Variants in POLR3H observed in about 807,000 individuals in gnomAD.
POLR3H encodes the protein RNA polymerase III subunit H.
A neutral mutation model predicts 25.5 loss-of-function variants in POLR3H; 17 were observed. That is an observed-to-expected ratio of 0.67 (90% confidence interval 0.46 to 1.00). POLR3H has a LOEUF of 1.00. POLR3H is among the 50% of genes least tolerant of loss of function. The pLI, the probability that POLR3H is intolerant of heterozygous loss-of-function variation, is 0.00. For synonymous variants in POLR3H, 129 were observed against 103.0 expected (o/e 1.25, Z -1.53); for missense variants, 274 against 265.0 (o/e 1.03, Z -0.24).
intron 4 of POLR3H, among the ~76,000 whole-genome samples, chr22:41,531,259 A>G (rs1354185736): frequency 6.6e-6 from 1 of 152,230 alleles, no homozygotes; most frequent in East Asian, 1.9e-4. Flanking sequence ...AAGCCTTGTG[A>G]CAGGCTGATG....
rs1361785262 is a variant in POLR3H at position 41,528,004 on chromosome 22, G to A, written c.*1279C>T. ...ACAAGCTGACCATTCAGGGCCTGAA[G>A]GACTTCACCCCTGGCAAGGTTAGGG... is the stretch of plus-strand genomic sequence containing the variant. On this transcript the variant is annotated 3_prime_UTR_variant, in exon 6 of 6. Coordinates refer to ENST00000355209, the MANE Select transcript of POLR3H (RefSeq NM_001018050.4). 8.7e-6 allele frequency: 14 copies of A among 1,614,166 alleles called. No individual in the cohort carries two copies. Among genetic ancestry groups the A allele is most frequent in the Non-Finnish European group, 1.2e-5 (14 of 1,180,018 alleles).
At position 41,526,441 on chromosome 22, in the gene POLR3H, C is replaced by G; in HGVS notation, c.*2842G>C. The G allele has an allele frequency of 1.2e-6, 2 of 1,612,700 alleles. No homozygotes were observed. The highest frequency in any genetic ancestry group is 1.7e-4 in the Middle Eastern group (1 of 5,782). On this transcript the variant is annotated 3_prime_UTR_variant, in exon 6 of 6. Transcript: ENST00000355209. ...AGTTTGGCCCCGTCCCTGACACTGC[C>G]CGCTACTACAAGGTGGGTCAGAGTT...
chr22:41,535,672 C>T (rs879308828), intron 2 of POLR3H, among the ~76,000 whole-genome samples: 1 of 151,810 alleles, frequency 6.6e-6, no homozygotes, highest in Non-Finnish European at 1.5e-5. Context: ...ACTAAAAATA[C>T]AAAAATTATT....
At chr22:41,541,546 G>C (rs959113231) in intron 1 of POLR3H, among the ~76,000 whole-genome samples, 1 of 152,052 alleles carries the variant, frequency 6.6e-6, no homozygotes, top group African/African-American at 2.4e-5. Flanking sequence ...AAGAAGCTCA[G>C]AGAACTCAGA....
rs767934086 is a variant in POLR3H, at chr22:41,544,119, G to T, written c.-18C>A. On this transcript the variant is annotated 5_prime_UTR_variant, in exon 1 of 6. Coordinates refer to ENST00000355209, the MANE Select transcript of POLR3H (RefSeq NM_001018050.4). ...ACGAACATCCCGGCCTGCGCTGGGGGCTCTGGGAACAGGAGGGTCAGTCAC... is the reference window on the plus strand; with the variant it reads ...ACGAACATCCCGGCCTGCGCTGGGGTCTCTGGGAACAGGAGGGTCAGTCAC... The T allele has an allele frequency of 4.5e-6, 7 of 1,543,916 alleles. No individual in the cohort carries two copies. The highest frequency in any genetic ancestry group is 1.7e-4 in the Middle Eastern group (1 of 5,854).
chr22:41,530,554 G>T, intron 5 of POLR3H, 133 bp downstream of exon 5: 1 of 827,378 alleles, frequency 1.2e-6, no homozygotes, highest in Non-Finnish European at 1.9e-6. Flanking sequence ...GAAGTGACCA[G>T]CCAAGACCCC....
At chr22:41,540,661 C>G (rs2066913832) in intron 2 of POLR3H, 38 bp downstream of exon 2, 3 of 1,508,278 alleles carry the variant, frequency 2.0e-6, no homozygotes. Context: ...AAACTGAGCC[C>G]CAAGAAGCCC....
intron 1 of POLR3H, 76 bp downstream of exon 1, chr22:41,543,915 G>A (rs754086293): frequency 2.9e-6 from 3 of 1,042,272 alleles, no homozygotes; most frequent in African/African-American, 1.6e-5. Flanking sequence ...TGGCATGACC[G>A]AGGCCGGGCC....
In POLR3H at chr22:41,527,853, C is replaced by T. The variant is rs1426940978; in HGVS notation, c.*1430G>A. On this transcript the variant is annotated 3_prime_UTR_variant, in exon 6 of 6. Coordinates refer to ENST00000355209, the MANE Select transcript of POLR3H (RefSeq NM_001018050.4). ...CCAGATGGGTTCAGAAAATGAAGCTCTCCAGGCTAGTCAGGCCCCCGATGA... is the reference window on the plus strand; with the variant it reads ...CCAGATGGGTTCAGAAAATGAAGCTTTCCAGGCTAGTCAGGCCCCCGATGA... The T allele has an allele frequency of 6.2e-7, 1 of 1,613,828 alleles. No homozygotes were observed. The highest frequency in any genetic ancestry group is 1.1e-5 in the South Asian group (1 of 91,062).
intron 2 of POLR3H, among the ~76,000 whole-genome samples, chr22:41,533,936 T>C (rs1201456624): frequency 3.3e-5 from 5 of 151,986 alleles, no homozygotes; most frequent in Admixed American, 2.6e-4. Context: ...GTCAGGAGTT[T>C]GAGACCAGCC....
intron 2 of POLR3H, chr22:41,539,059 G>A (rs169407): frequency 0.42 from 64,259 of 152,100 alleles, 14,159 homozygotes; most frequent in East Asian, 0.69. Context: ...TCAGGCGTTC[G>A]AGACCATTCT....
chr22:41,529,350 A>C lies in POLR3H; in HGVS notation c.562-14T>G, dbSNP rs374325579. 4.2e-4 allele frequency: 679 copies of C among 1,613,358 alleles called. 4 individuals are homozygous for C. The African/African-American group carries it at 7.2e-3, about 17-fold the overall frequency. ...ACTGATGGATCCCTGCCAGGGATAA[A>C]GAACACGCACATTTCACTGACATGC... On this transcript the variant is annotated splice_polypyrimidine_tract_variant and intron_variant, in intron 5 of 5. Coordinates refer to ENST00000355209, the MANE Select transcript of POLR3H (RefSeq NM_001018050.4).
At chr22:41,542,362 G>A (rs922344902) in intron 1 of POLR3H, among the ~76,000 whole-genome samples, 31 of 152,110 alleles carry the variant, frequency 2.0e-4, no homozygotes, top group Admixed American at 6.5e-4. Context: ...GGGATTACAG[G>A]TGTGAGCCCC....
intron 4 of POLR3H, 144 bp from the exon 5 acceptor site, chr22:41,531,032 A>G (rs533819547): frequency 4.8e-5 from 37 of 764,896 alleles, no homozygotes; most frequent in Admixed American, 7.2e-5. Context: ...TCCCAGCCCC[A>G]TGCACAAGGC....
intron 2 of POLR3H, among the ~76,000 whole-genome samples, chr22:41,536,569 T>TAA (rs1422987693): frequency 1.5e-5 from 2 of 134,350 alleles, no homozygotes; most frequent in Admixed American, 1.5e-4. Context: ...AAAAAAGGTT[T>TAA]AAAAAAAAAA....
intron 2 of POLR3H, among the ~76,000 whole-genome samples, chr22:41,534,963 T>C (rs1466408761): frequency 1.3e-5 from 2 of 151,868 alleles, no homozygotes; most frequent in African/African-American, 4.8e-5. Flanking sequence ...GTGTTGTTCC[T>C]GGTGGGAGGG....
At chr22:41,543,049 G>A (rs897399557) in intron 1 of POLR3H, among the ~76,000 whole-genome samples, 10 of 152,070 alleles carry the variant, frequency 6.6e-5, no homozygotes, top group South Asian at 2.1e-4. Flanking sequence ...ATCTACTCCC[G>A]CCAGGCTTTG....
At position 41,526,560 on chromosome 22, in the gene POLR3H, C is replaced by G; in HGVS notation, c.*2723G>C. The G allele has an allele frequency of 7.6e-7, 1 of 1,314,968 alleles. No individual in the cohort carries two copies. 81.5% of individuals were successfully genotyped at this position (1,314,968 alleles called of 1,614,324 possible). Reference sequence around the variant, plus strand: ...AGTGGAAACTGGGAAGGAGGCCGACCAAGCCCAAAGGGGACTGCTGTGGAA... The same window carrying G: ...AGTGGAAACTGGGAAGGAGGCCGACGAAGCCCAAAGGGGACTGCTGTGGAA... On this transcript the variant is annotated 3_prime_UTR_variant, in exon 6 of 6. Coordinates refer to ENST00000355209, the MANE Select transcript of POLR3H (RefSeq NM_001018050.4).
rs760136059 is a variant in POLR3H at position 41,529,181 on chromosome 22, C to T, written c.*102G>A. The T allele has an allele frequency of 1.9e-5, 20 of 1,068,144 alleles. No homozygotes were observed. The highest frequency in any genetic ancestry group is 2.6e-5 in the East Asian group (1 of 38,664). The allele number at this position is 1,068,144 out of a possible 1,614,324, so 66.2% of individuals were successfully genotyped here. A position where few individuals can be genotyped will look rare whatever the true frequency, so the allele number is the denominator to read the frequency against. Reference sequence around the variant, plus strand: ...CCTGGCCTTGCCTCACTGTCCAGCTCGAGACACTATCTCCTTAGCATCGGC... The same window carrying T: ...CCTGGCCTTGCCTCACTGTCCAGCTTGAGACACTATCTCCTTAGCATCGGC... On this transcript the variant is annotated 3_prime_UTR_variant, in exon 6 of 6. Transcript: ENST00000355209.
Sources: gnomAD v4.1 joint callset for allele counts (sites outside exome capture counted in the v4.1 genomes callset) on GRCh38, gnomAD v4.1.1 for gene constraint, MANE v1.5 for transcripts, NCBI Gene and HGNC (gene_info 2026-07-23, HGNC 2026-07-21) for gene names.